The following THSD4 variants were observed in gnomAD, a reference collection of about 807,000 sequenced individuals.
The protein encoded by THSD4 is thrombospondin type 1 domain containing 4, also known as thrombospondin type-1 domain-containing protein 4.
Under a neutral mutation model 119.0 loss-of-function variants are expected in THSD4, and 69 were observed. The observed-to-expected ratio is 0.58, with a 90% CI of 0.48 to 0.71. The LOEUF is 0.71. Ranked by LOEUF, THSD4 falls within the 30% of genes least tolerant of loss-of-function variation. THSD4 has a pLI of 0.00. For missense variants in THSD4, 1,393 were observed against 1,391.1 expected, an observed-to-expected ratio of 1.00 and a Z score of -0.02; for synonymous variants, 524 against 540.4, an observed-to-expected ratio of 0.97 and a Z score of 0.42.
intron 6 of THSD4, among the ~76,000 whole-genome samples, chr15:71,390,324 C>T (rs1181373263): frequency 6.6e-6 from 1 of 152,070 alleles, no homozygotes; most frequent in Non-Finnish European, 1.5e-5. Context: ...TTTTGGCGAA[C>T]GTCCATATGA....
At chr15:71,186,169 G>A (rs2043600174) in intron 3 of THSD4, 1 of 152,132 alleles carries the variant, frequency 6.6e-6, no homozygotes, top group Non-Finnish European at 1.5e-5. Context: ...TAATTAATAA[G>A]TAAGATGCAA....
chr15:71,309,334 C>CT (rs1422096213), intron 6 of THSD4, among the ~76,000 whole-genome samples: 1 of 152,136 alleles, frequency 6.6e-6, no homozygotes, highest in African/African-American at 2.4e-5. Flanking sequence ...AATCCTTTAC[C>CT]TATCTATAAA....
At chr15:71,333,358 A>G (rs2140377011) in intron 6 of THSD4, among the ~76,000 whole-genome samples, 1 of 152,234 alleles carries the variant, frequency 6.6e-6, no homozygotes, top group East Asian at 1.9e-4. Context: ...CTGTCCTTGC[A>G]GTTGTTAAGC....
chr15:71,132,090 T>C (rs577221466), intron 1 of THSD4, among the ~76,000 whole-genome samples: 3 of 152,352 alleles, frequency 2.0e-5, no homozygotes, highest in Admixed American at 1.3e-4. Context: ...GAGATTGCAA[T>C]CATAGCATTA....
rs922609455 is a variant in THSD4 at position 71,350,215 on chromosome 15, T to C, written c.1016-61472T>C. ...ATATATTAATGTAAACTTCATTAAG[T>C]TGAACTCAGCTTTGTCCTTGAGTTT... is the stretch of plus-strand genomic sequence containing the variant. On this transcript the variant is annotated intron_variant, in intron 6 of 17. Transcript: ENST00000261862. Among the ~76,000 whole-genome samples the C allele has an allele frequency of 4.6e-5, 7 of 152,156 alleles. No homozygotes were observed. In the Middle Eastern group the frequency reaches 0.01, roughly 222 times the overall value.
Position 71,746,944 on chromosome 15 carries a change from C to T in THSD4, c.2143C>T (p.Gln715Ter). 1 of 1,613,816 alleles carries T rather than the reference C, an allele frequency of 6.2e-7. No homozygotes were observed. Among genetic ancestry groups the T allele is most frequent in the East Asian group, 2.2e-5 (1 of 44,880 alleles). Residue 715 changes from glutamine to a stop codon, truncating the protein, a stop_gained, in exon 13 of 18, where the codon CAG becomes TAG. Transcript: ENST00000261862. LOFTEE classifies it high-confidence loss of function. ...QVYANRSLTV[Q>*]PYRCQHLEKP... ...GTACGCCAACCGCAGCCTGACGGTG[C>T]AGCCCTACCGCTGCCAGCACCTGGA...
At chr15:71,641,392 T>C (rs1595818719) in intron 7 of THSD4, among the ~76,000 whole-genome samples, 1 of 151,864 alleles carries the variant, frequency 6.6e-6, no homozygotes. Context: ...CTTTTCTTCT[T>C]GTTAAACCCC....
At chr15:71,479,765 T>C (rs899014316) in intron 7 of THSD4, among the ~76,000 whole-genome samples, 2 of 152,232 alleles carry the variant, frequency 1.3e-5, no homozygotes, top group African/African-American at 4.8e-5. Flanking sequence ...AGGCCAGTGA[T>C]ACCTGGCAGC....
At chr15:71,623,066 A>C (rs2050447201) in intron 7 of THSD4, among the ~76,000 whole-genome samples, 2 of 152,162 alleles carry the variant, frequency 1.3e-5, no homozygotes, top group Non-Finnish European at 2.9e-5. Context: ...GTCCCTGAAA[A>C]ATATTGAGCA....
intron 7 of THSD4, among the ~76,000 whole-genome samples, chr15:71,531,651 A>C (rs2048611682): frequency 6.6e-6 from 1 of 152,230 alleles, no homozygotes. Context: ...TGTTATTTAA[A>C]ACAGAGAATA....
intron 7 of THSD4, among the ~76,000 whole-genome samples, chr15:71,623,259 A>T (rs767929206): frequency 1.3e-5 from 2 of 152,242 alleles, no homozygotes; most frequent in Non-Finnish European, 2.9e-5. Context: ...TGCCAGTGTT[A>T]TGCCATTAAT....
At chr15:71,693,340 A>T (rs1056145651) in intron 8 of THSD4, among the ~76,000 whole-genome samples, 2 of 152,166 alleles carry the variant, frequency 1.3e-5, no homozygotes, top group Non-Finnish European at 2.9e-5. Flanking sequence ...AAGGATCCTA[A>T]ATTGGTGGAT....
At chr15:71,583,311 G>A (rs1045749670) in intron 7 of THSD4, among the ~76,000 whole-genome samples, 18 of 151,902 alleles carry the variant, frequency 1.2e-4, no homozygotes, top group Non-Finnish European at 2.5e-4. Context: ...TTTTCTTATA[G>A]TCTAGCTAAA....
intron 1 of THSD4, among the ~76,000 whole-genome samples, chr15:71,140,753 A>G (rs1351324812): frequency 6.6e-6 from 1 of 152,200 alleles, no homozygotes; most frequent in African/African-American, 2.4e-5. Context: ...TGTACAATTC[A>G]GTAGTTTTTG....
intron 8 of THSD4, among the ~76,000 whole-genome samples, chr15:71,683,872 G>A (rs945776451): frequency 5.3e-5 from 8 of 152,234 alleles, no homozygotes; most frequent in South Asian, 2.1e-4. Flanking sequence ...CTACTCAGGA[G>A]GTTGAGGCAT....
In THSD4 at chr15:71,115,534, C is replaced by T. The variant is rs1156892271; in HGVS notation, c.-244C>T. 3 of 151,366 alleles carry T rather than the reference C, an allele frequency of 2.0e-5. No homozygotes were observed. Among genetic ancestry groups the T allele is most frequent in the African/African-American group, 7.3e-5 (3 of 41,322 alleles). 9.4% of individuals were successfully genotyped at this position (151,366 alleles called of 1,614,324 possible). ...CGCTGGCCGCCCGCGCAGCCCGACGCGGAATCGGGGCACAGCGGGAGCCCG... is the reference window on the plus strand; with the variant it reads ...CGCTGGCCGCCCGCGCAGCCCGACGTGGAATCGGGGCACAGCGGGAGCCCG... On this transcript the variant is annotated 5_prime_UTR_variant, in exon 1 of 18. Coordinates refer to ENST00000261862, the MANE Select transcript of THSD4 (RefSeq NM_024817.3). This position sits in a 1 kb window ranked among gnomAD's most constrained non-coding sequence, Gnocchi z 4.4.
chr15:71,480,872 G>C (rs2047720230), intron 7 of THSD4, among the ~76,000 whole-genome samples: 1 of 152,180 alleles, frequency 6.6e-6, no homozygotes, highest in African/African-American at 2.4e-5. Flanking sequence ...CTCTACCATA[G>C]TCTATCTTCA....
rs539877299 is a variant in THSD4, at chr15:71,763,614, C to T, written c.2590-1406C>T. On this transcript the variant is annotated intron_variant, in intron 15 of 17. Coordinates refer to ENST00000261862, the MANE Select transcript of THSD4 (RefSeq NM_024817.3). Reference sequence around the variant, plus strand: ...CCAGGCTGGAGTGCAGTGGCACGATCTTGGCTCACTGCAACCTCTACCTCC... The same window carrying T: ...CCAGGCTGGAGTGCAGTGGCACGATTTTGGCTCACTGCAACCTCTACCTCC... 2.2e-3 allele frequency among the ~76,000 whole-genome samples: 332 copies of T among 150,716 alleles called. 1 individual carries two copies. Among genetic ancestry groups the T allele is most frequent in the Non-Finnish European group, 3.9e-3 (263 of 67,980 alleles).
chr15:71,691,503 A>G (rs1427102454), intron 8 of THSD4, among the ~76,000 whole-genome samples: 1 of 152,236 alleles, frequency 6.6e-6, no homozygotes, highest in Admixed American at 6.5e-5. Flanking sequence ...GGATCGAGGC[A>G]GAGCTGAGTG....
Sources: gnomAD v4.1 joint callset for allele counts (sites outside exome capture counted in the v4.1 genomes callset) on GRCh38, gnomAD v4.1.1 for gene constraint, Gnocchi (gnomAD v3.1) non-coding constraint, MANE v1.5 for transcripts, NCBI Gene and HGNC (gene_info 2026-07-23, HGNC 2026-07-21) for gene names.